Variants in FARS2 observed in about 807,000 individuals in gnomAD.
FARS2 encodes phenylalanyl-tRNA synthetase 2, mitochondrial.
FARS2 carries 40 observed loss-of-function variants against 46.4 expected under a neutral mutation model. The ratio of observed to expected loss-of-function variants is 0.86; its 90% CI spans 0.67 to 1.12. The LOEUF (loss-of-function observed/expected upper bound fraction) is 1.12. FARS2 is among the 50% of genes most tolerant of loss of function. The pLI is 0.00. For missense variants in FARS2, 513 were observed against 567.9 expected, an observed-to-expected ratio of 0.90 and a Z score of 0.98; for synonymous variants, 234 against 214.9, an observed-to-expected ratio of 1.09 and a Z score of -0.78.
chr6:5,686,665 A>G (rs1757252625), intron 6 of FARS2, among the ~76,000 whole-genome samples: 1 of 152,210 alleles, frequency 6.6e-6, no homozygotes, highest in Non-Finnish European at 1.5e-5. Flanking sequence ...ATAAACATAC[A>G]TGTGCATGTG....
chr6:5,437,914 C>G (rs1430534875), intron 4 of FARS2, among the ~76,000 whole-genome samples: 1 of 152,046 alleles, frequency 6.6e-6, no homozygotes, highest in Non-Finnish European at 1.5e-5. Flanking sequence ...ATAAGAAAAA[C>G]TTTCCTTAGC....
intron 4 of FARS2, among the ~76,000 whole-genome samples, chr6:5,479,038 A>G (rs1242557928): frequency 2.0e-5 from 3 of 152,350 alleles, no homozygotes; most frequent in East Asian, 1.9e-4. Flanking sequence ...TTTGTTTGTT[A>G]TGTAGTAAAA....
Position 5,699,827 on chromosome 6 carries a change from A to G in FARS2, c.1218-71464A>G, listed in dbSNP as rs187054792. 2.1e-3 allele frequency among the ~76,000 whole-genome samples: 327 copies of G among 152,284 alleles called. 5 individuals carry two copies. Among genetic ancestry groups the G allele is most frequent in the Admixed American group, 0.017 (256 of 15,298 alleles). ...ATCTGGAAGGCTTCAAAAACTGCCA[A>G]TTCCCAGTTTCCAGGTCTGGACTGG... is the stretch of plus-strand genomic sequence containing the variant. On this transcript the variant is annotated intron_variant, in intron 6 of 6. Transcript: ENST00000274680.
At chr6:5,409,645 G>C (rs1395928133) in intron 3 of FARS2, among the ~76,000 whole-genome samples, 1 of 152,168 alleles carries the variant, frequency 6.6e-6, no homozygotes, top group East Asian at 1.9e-4. Flanking sequence ...GCAGAATTAT[G>C]GAATGGAATT....
intron 4 of FARS2, among the ~76,000 whole-genome samples, chr6:5,455,891 A>G (rs1010758303): frequency 3.9e-5 from 6 of 152,072 alleles, no homozygotes; most frequent in Non-Finnish European, 7.4e-5. Context: ...CTCAGTTTAT[A>G]CTCCCTCCAT....
At chr6:5,501,708 T>C (rs375450312) in intron 4 of FARS2, among the ~76,000 whole-genome samples, 180 of 152,290 alleles carry the variant, frequency 1.2e-3, no homozygotes, top group African/African-American at 4.1e-3. Flanking sequence ...TTGGCCAGGC[T>C]GATCTTGAAC....
chr6:5,350,503 G>C (rs1757510051), intron 1 of FARS2, among the ~76,000 whole-genome samples: 1 of 152,178 alleles, frequency 6.6e-6, no homozygotes, highest in African/African-American at 2.4e-5. Context: ...GAACAGAATA[G>C]GGAATCCAGA....
At chr6:5,543,519 C>T (rs1053108260) in intron 4 of FARS2, among the ~76,000 whole-genome samples, 4 of 152,074 alleles carry the variant, frequency 2.6e-5, no homozygotes, top group Admixed American at 6.5e-5. Context: ...CACACGCCAC[C>T]ATGCCTGGCT....
At chr6:5,528,576 G>A (rs148412449) in intron 4 of FARS2, among the ~76,000 whole-genome samples, 100 of 152,268 alleles carry the variant, frequency 6.6e-4, no homozygotes, top group African/African-American at 2.2e-3. Flanking sequence ...ATCCCAGATC[G>A]AGCACTTGCT....
intron 6 of FARS2, among the ~76,000 whole-genome samples, chr6:5,659,897 A>G (rs1777772269): frequency 6.6e-6 from 1 of 152,246 alleles, no homozygotes; most frequent in Admixed American, 6.5e-5. Context: ...ATTCGAAGGA[A>G]CTTTACAATG....
In FARS2 at chr6:5,613,324, A is replaced by T; in HGVS notation, c.1217+4A>T. Reference sequence around the variant, plus strand: ...TAGACAAGTTTGTACATCCAAAGTAAGTGAAAAGCTTTCTGATTTTACCCT... The same window carrying T: ...TAGACAAGTTTGTACATCCAAAGTATGTGAAAAGCTTTCTGATTTTACCCT... On this transcript the variant is annotated splice_donor_region_variant and intron_variant, in intron 6 of 6. Transcript: ENST00000274680. 6.2e-7 allele frequency: 1 copy of T among 1,610,266 alleles called. No homozygotes were observed. Among genetic ancestry groups the T allele is most frequent in the South Asian group, 1.1e-5 (1 of 90,340 alleles).
intron 1 of FARS2, among the ~76,000 whole-genome samples, chr6:5,359,716 TA>T (rs1758182717): frequency 6.6e-6 from 1 of 152,250 alleles, no homozygotes; most frequent in South Asian, 2.1e-4. Context: ...ATGCCTTAAA[TA>T]CGTTGTTGAG....
intron 5 of FARS2, among the ~76,000 whole-genome samples, chr6:5,548,164 C>T (rs1162201338): frequency 2.6e-5 from 4 of 152,136 alleles, no homozygotes; most frequent in South Asian, 2.1e-4. Context: ...CAGGAAAGAC[C>T]GGCCCCTGTG....
chr6:5,318,397 A>AAAACC (rs202227271), intron 1 of FARS2, among the ~76,000 whole-genome samples: 8 of 145,094 alleles, frequency 5.5e-5, no homozygotes, highest in Admixed American at 2.8e-4. Flanking sequence ...CAAAAAAAAA[A>AAAACC]AAAAAAAAAA....
intron 4 of FARS2, among the ~76,000 whole-genome samples, chr6:5,530,905 CTATA>C (rs202197878): frequency 0.018 from 2,585 of 146,922 alleles, 77 homozygotes; most frequent in African/African-American, 0.06. Context: ...CTATGTATAA[CTATA>C]TAATGTATAA....
At chr6:5,419,002 C>T (rs192780908) in intron 3 of FARS2, among the ~76,000 whole-genome samples, 2 of 152,170 alleles carry the variant, frequency 1.3e-5, no homozygotes, top group East Asian at 3.9e-4. Context: ...TCTGGACCTT[C>T]CTTCCTGCAA....
At chr6:5,354,706 G>T (rs1212736455) in intron 1 of FARS2, among the ~76,000 whole-genome samples, 1 of 152,128 alleles carries the variant, frequency 6.6e-6, no homozygotes, top group African/African-American at 2.4e-5. Context: ...GTAGAGATGG[G>T]GTTTCACCAT....
intron 1 of FARS2, among the ~76,000 whole-genome samples, chr6:5,341,257 T>TTTTTTTTTTTTTTC (rs552538194): frequency 1.8e-5 from 1 of 56,698 alleles, no homozygotes; most frequent in African/African-American, 7.6e-5. Flanking sequence ...TTTTTTTTTT[T>TTTTTTTTTTTTTTC]CCCTGTGAGA....
chr6:5,462,705 T>G (rs1034939815), intron 4 of FARS2, among the ~76,000 whole-genome samples: 2 of 152,236 alleles, frequency 1.3e-5, no homozygotes, highest in African/African-American at 4.8e-5. Context: ...TGTGCAGTCT[T>G]GACTATTGAA....
Sources: allele counts gnomAD v4.1 joint callset (sites outside exome capture counted in the v4.1 genomes callset), GRCh38; gene constraint gnomAD v4.1.1; transcripts MANE v1.5; gene names NCBI Gene and HGNC (gene_info 2026-07-23, HGNC 2026-07-21).